PRDM6: variants seen among roughly 807,000 people sequenced by gnomAD.
PRDM6 encodes PR/SET domain 6.
Under a neutral mutation model 60.8 loss-of-function variants are expected in PRDM6, and 25 were observed. That is an observed-to-expected ratio of 0.41 (90% CI 0.30 to 0.57). The LOEUF (loss-of-function observed/expected upper bound fraction) is 0.57. PRDM6 is among the 20% of genes least tolerant of loss of function. PRDM6 has a pLI of 0.27. For synonymous variants in PRDM6, 407 were observed against 357.4 expected (o/e 1.14, Z -1.57); for missense variants, 839 against 821.3 (o/e 1.02, Z -0.26).
chr5:123,190,446 A>G lies in PRDM6; in HGVS notation c.*3245A>G, dbSNP rs758108811. Reference sequence around the variant, plus strand: ...TTATCTTTAAAAATGACTTTTTTGGAGGAGATATACTTCTAAAAAGTTATT... The same window carrying G: ...TTATCTTTAAAAATGACTTTTTTGGGGGAGATATACTTCTAAAAAGTTATT... On this transcript the variant is annotated 3_prime_UTR_variant, in exon 8 of 8. Coordinates refer to ENST00000407847, the MANE Select transcript of PRDM6 (RefSeq NM_001136239.4). The G allele has an allele frequency of 2.6e-5, 4 of 152,116 alleles. No homozygotes were observed. The highest frequency in any genetic ancestry group is 5.9e-5 in the Non-Finnish European group (4 of 68,028). 9.4% of individuals were successfully genotyped at this position (152,116 alleles called of 1,614,324 possible). A position where few individuals can be genotyped will look rare whatever the true frequency, so the allele number is the denominator to read the frequency against.
intron 3 of PRDM6, among the ~76,000 whole-genome samples, chr5:123,139,478 A>C (rs1450753934): frequency 6.6e-6 from 1 of 152,102 alleles, no homozygotes; most frequent in Non-Finnish European, 1.5e-5. Context: ...GATGATATTC[A>C]GTGAAAATTA....
At chr5:123,125,706 A>G (rs1764679390) in intron 3 of PRDM6, among the ~76,000 whole-genome samples, 1 of 152,188 alleles carries the variant, frequency 6.6e-6, no homozygotes, top group South Asian at 2.1e-4. Context: ...CATTTCTTTG[A>G]CTTTTTGGGG....
intron 5 of PRDM6, among the ~76,000 whole-genome samples, chr5:123,169,561 CA>C (rs1206190288): frequency 2.6e-5 from 4 of 152,190 alleles, no homozygotes; most frequent in Admixed American, 6.5e-5. Flanking sequence ...TGCTAAGGCT[CA>C]TAGGGCCGAA....
At chr5:123,168,030 T>A (rs765138476) in intron 5 of PRDM6, among the ~76,000 whole-genome samples, 60 of 152,348 alleles carry the variant, frequency 3.9e-4, no homozygotes, top group Non-Finnish European at 6.5e-4. Context: ...GCTGTTTTTA[T>A]GTTTTATTTA....
chr5:123,183,721 C>T (rs1766218554), intron 7 of PRDM6, among the ~76,000 whole-genome samples: 2 of 152,176 alleles, frequency 1.3e-5, no homozygotes, highest in Admixed American at 1.3e-4. Flanking sequence ...AATGGCCAAG[C>T]ATTTTATTGC....
intron 3 of PRDM6, among the ~76,000 whole-genome samples, chr5:123,147,868 G>C (rs113195349): frequency 6.6e-6 from 1 of 152,362 alleles, no homozygotes; most frequent in African/African-American, 2.4e-5. Flanking sequence ...CATATCGACG[G>C]CTGCCGCCGC....
chr5:123,154,051 T>A (rs897074514), intron 3 of PRDM6, among the ~76,000 whole-genome samples: 1 of 152,176 alleles, frequency 6.6e-6, no homozygotes, highest in African/African-American at 2.4e-5. Context: ...GTTGCAATTT[T>A]GAAGAAACTG....
chr5:123,125,123 A>G (rs1459172259), intron 3 of PRDM6, among the ~76,000 whole-genome samples: 8 of 127,714 alleles, frequency 6.3e-5, no homozygotes, highest in Non-Finnish European at 1.3e-4. Context: ...TACCTTGCTC[A>G]ATTTGTATAA....
chr5:123,099,690 G>A lies in PRDM6; in HGVS notation c.629G>A (p.Cys210Tyr). Residue 210 changes from cysteine to tyrosine, a missense_variant, in exon 3 of 8, where the codon TGC becomes TAC. This residue lies in a region of PRDM6 where 730 missense variants were observed against 648.8 expected (regional missense o/e 1.13). Transcript: ENST00000407847. The surrounding 1 kb of genome is among the most constrained non-coding windows in gnomAD (Gnocchi z 4.0). Reference sequence around the variant, plus strand: ...TGCGCGGACAACCGCAACGGCGAGTGCCCTATGCATGGGCCACTGCACTCG... The same window carrying A: ...TGCGCGGACAACCGCAACGGCGAGTACCCTATGCATGGGCCACTGCACTCG... ...DMCADNRNGE[C>Y]PMHGPLHSLR... is the part of the protein sequence containing the mutation. The A allele has an allele frequency of 1.3e-6, 2 of 1,498,260 alleles. No homozygotes were observed. Among genetic ancestry groups the A allele is most frequent in the Non-Finnish European group, 1.8e-6 (2 of 1,122,574 alleles). The allele number at this position is 1,498,260 out of a possible 1,614,324, so 92.8% of individuals were successfully genotyped here.
chr5:123,096,529 A>T (rs1172628636), intron 2 of PRDM6, among the ~76,000 whole-genome samples: 1 of 152,216 alleles, frequency 6.6e-6, no homozygotes, highest in Admixed American at 6.5e-5. Context: ...ATAACATTGG[A>T]ATATAACATG....
intron 3 of PRDM6, among the ~76,000 whole-genome samples, chr5:123,138,372 TG>T: frequency 6.6e-6 from 1 of 152,270 alleles, no homozygotes; most frequent in East Asian, 1.9e-4. Flanking sequence ...GGAATGGTTC[TG>T]ATAGCAGGTT....
intron 2 of PRDM6, among the ~76,000 whole-genome samples, chr5:123,097,792 G>A (rs1187243308): frequency 6.6e-6 from 1 of 152,208 alleles, no homozygotes; most frequent in Admixed American, 6.5e-5. Context: ...AGGAAGGACA[G>A]AAGAGGGCCT....
intron 2 of PRDM6, among the ~76,000 whole-genome samples, 156 bp downstream of exon 2, chr5:123,090,762 C>T (rs905386288): frequency 1.3e-5 from 2 of 152,162 alleles, no homozygotes; most frequent in African/African-American, 4.8e-5. Flanking sequence ...CCTCCCCGAT[C>T]TCTGTGACAA....
chr5:123,131,426 A>G (rs561892755), intron 3 of PRDM6, among the ~76,000 whole-genome samples: 2 of 152,328 alleles, frequency 1.3e-5, no homozygotes, highest in South Asian at 2.1e-4. Flanking sequence ...GCTTACATCA[A>G]AATTTCACAT....
At chr5:123,170,034 C>G (rs1425154908) in intron 5 of PRDM6, among the ~76,000 whole-genome samples, 1 of 152,174 alleles carries the variant, frequency 6.6e-6, no homozygotes, top group Non-Finnish European at 1.5e-5. Context: ...CTTGCTATCC[C>G]TCTGCTCAGG....
At position 123,097,420 on chromosome 5, in the gene PRDM6, C is replaced by T. The variant is rs537557623; in HGVS notation, c.593-2234C>T. On this transcript the variant is annotated intron_variant, in intron 2 of 7. Coordinates refer to ENST00000407847, the MANE Select transcript of PRDM6 (RefSeq NM_001136239.4). ...GTTTAGAGGCCTTGCAGTCAGGCAG[C>T]CTTGACTGTGAATCCTTTCTCTGCC... is the stretch of plus-strand genomic sequence containing the variant. Among the ~76,000 whole-genome samples, 105 of 151,978 alleles carry T rather than the reference C, an allele frequency of 6.9e-4. 1 individual carries two copies. Among genetic ancestry groups the T allele is most frequent in the African/African-American group, 2.3e-3 (95 of 41,442 alleles).
Position 123,163,460 on chromosome 5 carries a change from C to T in PRDM6, c.1153+3822C>T, listed in dbSNP as rs1179234276. On this transcript the variant is annotated intron_variant, in intron 5 of 7. Transcript: ENST00000407847. ...GGCGGCCGTGGGTACACTCACTGCC[C>T]GGACAGCTCATTGAAAGCTGCCTTG... Among the ~76,000 whole-genome samples, 5 of 152,186 alleles carry T rather than the reference C, an allele frequency of 3.3e-5. No individual in the cohort carries two copies. In the South Asian group the frequency reaches 6.2e-4, roughly 19 times the overall value.
chr5:123,167,496 T>C (rs1765779813), intron 5 of PRDM6, among the ~76,000 whole-genome samples: 1 of 152,210 alleles, frequency 6.6e-6, no homozygotes, highest in South Asian at 2.1e-4. Flanking sequence ...TTCAAGTGAT[T>C]CTTCCGCCCC....
chr5:123,184,117 C>T (rs867396640), intron 7 of PRDM6, among the ~76,000 whole-genome samples: 1 of 152,116 alleles, frequency 6.6e-6, no homozygotes, highest in Non-Finnish European at 1.5e-5. Flanking sequence ...AGTAAATATG[C>T]ATTGAACACA....
Sources: allele counts gnomAD v4.1 joint callset (sites outside exome capture counted in the v4.1 genomes callset), GRCh38; gene constraint gnomAD v4.1.1; regional missense constraint gnomAD v4.1.1; non-coding constraint Gnocchi (gnomAD v3.1); transcripts MANE v1.5; gene names NCBI Gene and HGNC (gene_info 2026-07-23, HGNC 2026-07-21).